The following MSI2 variants were observed in gnomAD, a reference collection of about 807,000 sequenced individuals.
MSI2 encodes the protein musashi RNA binding protein 2.
MSI2 carries 17 observed loss-of-function variants against 45.6 expected under a neutral mutation model. The ratio of observed to expected loss-of-function variants is 0.37; its 90% CI spans 0.26 to 0.56. The LOEUF (loss-of-function observed/expected upper bound fraction) is 0.56. Ranked by LOEUF, MSI2 falls within the 20% of genes least tolerant of loss-of-function variation. The pLI is 0.77. For synonymous variants in MSI2, 156 were observed against 158.2 expected (o/e 0.99, Z 0.11); for missense variants, 293 against 444.2 (o/e 0.66, Z 3.06).
chr17:57,589,557 C>T (rs531002777), intron 7 of MSI2, among the ~76,000 whole-genome samples: 11 of 152,222 alleles, frequency 7.2e-5, no homozygotes, highest in African/African-American at 2.4e-4. Context: ...GGGGACAGCC[C>T]GAGGTGTGGG....
At chr17:57,408,604 G>GC (rs2084129211) in intron 6 of MSI2, among the ~76,000 whole-genome samples, 1 of 152,188 alleles carries the variant, frequency 6.6e-6, no homozygotes, top group South Asian at 2.1e-4. Context: ...GGGGCGGGGG[G>GC]GCGGTATGAA....
chr17:57,687,001 A>T (rs186886644), downstream of MSI2, among the ~76,000 whole-genome samples: 2,108 of 127,518 alleles, frequency 0.017, 53 homozygotes, highest in African/African-American at 0.055. Flanking sequence ...AATTTTGGCC[A>T]GCAGCCCCCC....
At chr17:57,351,481 C>T (rs1175816562) in intron 5 of MSI2, among the ~76,000 whole-genome samples, 1 of 152,216 alleles carries the variant, frequency 6.6e-6, no homozygotes, top group African/African-American at 2.4e-5. Context: ...CCTGTTCCCA[C>T]TTAGAAGGGT....
chr17:57,310,937 G>A lies in MSI2; in HGVS notation c.312+48745G>A, dbSNP rs549809550. ...CTTGGCATATTGCCTGTTCTTTCTC[G>A]GCCTCAGTTTTCTTGTCAATTTAAA... On this transcript the variant is annotated intron_variant, in intron 5 of 13. Coordinates refer to ENST00000284073, the MANE Select transcript of MSI2 (RefSeq NM_138962.4). Among the ~76,000 whole-genome samples, 38 of 152,176 alleles carry A rather than the reference G, an allele frequency of 2.5e-4. No individual in the cohort carries two copies. The East Asian group carries it at 2.9e-3, about 12-fold the overall frequency.
intron 7 of MSI2, among the ~76,000 whole-genome samples, chr17:57,533,278 G>A (rs907656668): frequency 2.6e-5 from 4 of 152,320 alleles, no homozygotes; most frequent in African/African-American, 7.2e-5. Context: ...TGAGCCTCCC[G>A]CAATGTATGT....
At chr17:57,271,451 G>A (rs2099701100) in intron 5 of MSI2, among the ~76,000 whole-genome samples, 1 of 152,102 alleles carries the variant, frequency 6.6e-6, no homozygotes, top group African/African-American at 2.4e-5. Context: ...CTAAATTGCT[G>A]TTTCTGTTTC....
chr17:57,281,349 T>C (rs1277233552), intron 5 of MSI2, among the ~76,000 whole-genome samples: 3 of 152,152 alleles, frequency 2.0e-5, no homozygotes, highest in Non-Finnish European at 2.9e-5. Flanking sequence ...TCTGAGCTCA[T>C]GTGGGCCACT....
chr17:57,515,894 T>TTTA (rs1337100701), intron 6 of MSI2, among the ~76,000 whole-genome samples: 2 of 152,162 alleles, frequency 1.3e-5, no homozygotes, highest in Non-Finnish European at 2.9e-5. Context: ...GTGGTTTCTT[T>TTTA]TTATTATTAT....
At chr17:57,337,878 A>G (rs562759491) in intron 5 of MSI2, among the ~76,000 whole-genome samples, 2 of 152,310 alleles carry the variant, frequency 1.3e-5, no homozygotes, top group Admixed American at 6.5e-5. Flanking sequence ...CAGAATTGGA[A>G]AAGAACCCAG....
chr17:57,345,314 T>G (rs895323364), intron 5 of MSI2, among the ~76,000 whole-genome samples: 1 of 152,146 alleles, frequency 6.6e-6, no homozygotes, highest in Non-Finnish European at 1.5e-5. Flanking sequence ...GGGACATTCA[T>G]GTGTGTTTAA....
At chr17:57,454,860 G>T (rs556450411) in intron 6 of MSI2, among the ~76,000 whole-genome samples, 1 of 152,194 alleles carries the variant, frequency 6.6e-6, no homozygotes, top group Non-Finnish European at 1.5e-5. Flanking sequence ...AGGTAACAGC[G>T]CAGCCCCTCT....
chr17:57,638,873 GC>G (rs1910036512), intron 10 of MSI2, among the ~76,000 whole-genome samples: 1 of 152,274 alleles, frequency 6.6e-6, no homozygotes, highest in African/African-American at 2.4e-5. Context: ...CTGCATTCCA[GC>G]CTGGGTGACA....
At chr17:57,285,930 A>C (rs1466801316) in intron 5 of MSI2, 2 of 1,534,250 alleles carry the variant, frequency 1.3e-6, no homozygotes, top group Non-Finnish European at 1.7e-6. Context: ...ACGTCTTATC[A>C]CGTGAATCAG....
chr17:57,473,571 A>G (rs2586233), intron 6 of MSI2, among the ~76,000 whole-genome samples: 118,165 of 152,144 alleles, frequency 0.78, 46,341 homozygotes, highest in East Asian at 0.91. Context: ...TTGGACAGAG[A>G]AACTTGGCAG....
chr17:57,552,446 C>T lies in MSI2; in HGVS notation c.454+22722C>T, dbSNP rs1432321321. ...CCCCTGGGTCTTCCACCTCCTGGCA[C>T]GCTCTAGCCTAGGCCTGAAGTAGCA... On this transcript the variant is annotated intron_variant, in intron 7 of 13. Transcript: ENST00000284073. The surrounding 1 kb of genome is among the most constrained non-coding windows in gnomAD (Gnocchi z 4.3). Among the ~76,000 whole-genome samples, 4 of 152,142 alleles carry T rather than the reference C, an allele frequency of 2.6e-5. No individual in the cohort carries two copies. Among genetic ancestry groups the T allele is most frequent in the African/African-American group, 7.2e-5 (3 of 41,434 alleles).
chr17:57,651,656 C>T (rs996381522), intron 10 of MSI2, among the ~76,000 whole-genome samples: 1 of 152,224 alleles, frequency 6.6e-6, no homozygotes, highest in African/African-American at 2.4e-5. Context: ...AAGAGGCCGT[C>T]CCAAGTGCCT....
rs146435156 is a variant in MSI2 at position 57,360,253 on chromosome 17, A to G, written c.313-41126A>G. 9.2e-3 allele frequency among the ~76,000 whole-genome samples: 1,397 copies of G among 152,278 alleles called. 21 individuals carry two copies. Among genetic ancestry groups the G allele is most frequent in the African/African-American group, 0.032 (1,332 of 41,532 alleles). ...GCCACATGCTCGTGCTTGTGTGTTT[A>G]ATTTGTTTATTGGTGGATTTTCTAC... On this transcript the variant is annotated intron_variant, in intron 5 of 13. Transcript: ENST00000284073.
At chr17:57,398,230 G>A (rs1056782220) in intron 5 of MSI2, among the ~76,000 whole-genome samples, 3 of 152,152 alleles carry the variant, frequency 2.0e-5, no homozygotes, top group African/African-American at 4.8e-5. Flanking sequence ...CCACATGAAC[G>A]TTTGGAATAT....
At chr17:57,574,916 C>T (rs1235200414) in intron 7 of MSI2, among the ~76,000 whole-genome samples, 11 of 151,412 alleles carry the variant, frequency 7.3e-5, no homozygotes, top group Admixed American at 2.0e-4. Flanking sequence ...CTGCAAGCTC[C>T]GCCTCCCGGG....
Sources: allele counts gnomAD v4.1 joint callset (sites outside exome capture counted in the v4.1 genomes callset), GRCh38; gene constraint gnomAD v4.1.1; non-coding constraint Gnocchi (gnomAD v3.1); transcripts MANE v1.5; gene names NCBI Gene and HGNC (gene_info 2026-07-23, HGNC 2026-07-21).